The following MEOX2 variants were observed in gnomAD, a reference collection of about 807,000 sequenced individuals.
The protein encoded by MEOX2 is mesenchyme homeobox 2, also known as homeobox protein MOX-2.
MEOX2 carries 11 observed loss-of-function variants against 27.0 expected under a neutral mutation model. The observed-to-expected ratio is 0.41, with a 90% CI of 0.26 to 0.68. MEOX2 has a LOEUF of 0.68. Among genes scored for constraint, MEOX2 ranks in the 30% least tolerant of loss-of-function variants. The pLI is 0.33. For missense variants in MEOX2, 436 were observed against 385.4 expected, an observed-to-expected ratio of 1.13 and a Z score of -1.10; for synonymous variants, 189 against 155.4, an observed-to-expected ratio of 1.22 and a Z score of -1.61.
intron 2 of MEOX2, among the ~76,000 whole-genome samples, chr7:15,620,428 C>T (rs1259165712): frequency 1.3e-5 from 2 of 152,020 alleles, no homozygotes; most frequent in Non-Finnish European, 2.9e-5. Flanking sequence ...GCAAAACGGG[C>T]GTGGTAGCGG....
rs555317218 is a variant in MEOX2 at position 15,612,141 on chromosome 7, C to G, written c.*246G>C. 3.7e-6 allele frequency: 2 copies of G among 542,934 alleles called. No homozygotes were observed. The highest frequency in any genetic ancestry group is 6.6e-6 in the Non-Finnish European group (2 of 302,794). The allele number at this position is 542,934 out of a possible 1,614,324, so 33.6% of individuals were successfully genotyped here. On this transcript the variant is annotated 3_prime_UTR_variant, in exon 3 of 3. Coordinates refer to ENST00000262041, the MANE Select transcript of MEOX2 (RefSeq NM_005924.5). ...AAACACATACCTGCTCACTGCCATA[C>G]GCACGACCAAACACATCTGGAATAT... is the stretch of plus-strand genomic sequence containing the variant.
intron 1 of MEOX2, among the ~76,000 whole-genome samples, chr7:15,636,040 T>G (rs749866087): frequency 6.6e-6 from 1 of 152,012 alleles, no homozygotes; most frequent in Non-Finnish European, 1.5e-5. Context: ...TTTAGAGTCC[T>G]GTCAAACAGG....
At chr7:15,623,488 G>A (rs1318919912) in intron 2 of MEOX2, among the ~76,000 whole-genome samples, 1 of 152,098 alleles carries the variant, frequency 6.6e-6, no homozygotes, top group Non-Finnish European at 1.5e-5. Flanking sequence ...TCCTGCCTCA[G>A]CCTCCCATGT....
intron 1 of MEOX2, among the ~76,000 whole-genome samples, chr7:15,651,289 A>G (rs1781729380): frequency 1.3e-5 from 2 of 152,038 alleles, no homozygotes; most frequent in South Asian, 4.1e-4. Context: ...TCCTGCCCAT[A>G]GTAATTAATA....
intron 1 of MEOX2, among the ~76,000 whole-genome samples, chr7:15,674,555 TCTGTGTGTG>T (rs954914660): frequency 2.0e-5 from 1 of 48,892 alleles, no homozygotes; most frequent in African/African-American, 7.3e-5. Flanking sequence ...GATAAAAGAT[TCTGTGTGTG>T]TGTGTGTGTG....
At position 15,680,473 on chromosome 7, in the gene MEOX2, A is replaced by C. The variant is rs1455842615; in HGVS notation, c.517+5413T>G. The C allele has an allele frequency of 2.0e-5, 3 of 151,940 alleles. No homozygotes were observed. The East Asian group carries it at 5.8e-4, about 29-fold the overall frequency. 9.4% of individuals were successfully genotyped at this position (151,940 alleles called of 1,614,324 possible). Reference sequence around the variant, plus strand: ...AGTTTTACTACATTAAAACACATAAAATATTCTGCGAGGTTTTCTCCAATG... The same window carrying C: ...AGTTTTACTACATTAAAACACATAACATATTCTGCGAGGTTTTCTCCAATG... On this transcript the variant is annotated intron_variant, in intron 1 of 2. Transcript: ENST00000262041.
chr7:15,685,860 C>T (rs2115400980), intron 1 of MEOX2, 26 bp downstream of exon 1: 2 of 1,562,714 alleles, frequency 1.3e-6, no homozygotes, highest in East Asian at 2.2e-5. Flanking sequence ...GGCGCGCACT[C>T]TCGAGGGTGC....
At chr7:15,677,506 G>C (rs1244814849) in intron 1 of MEOX2, 1 of 152,198 alleles carries the variant, frequency 6.6e-6, no homozygotes, top group African/African-American at 2.4e-5. Flanking sequence ...TTCGGATAGT[G>C]TTTGATCAAT....
rs4721451 is a variant in MEOX2, at chr7:15,642,544, C to T, written c.518-15626G>A. Among the ~76,000 whole-genome samples, 1,011 of 152,134 alleles carry T rather than the reference C, an allele frequency of 6.6e-3. 37 individuals are homozygous for T. The highest frequency in any genetic ancestry group is 0.058 in the Admixed American group (886 of 15,276). ...TTTCTGGTTTCTTTGTGATTATTTT[C>T]AACTTCCTTTTGGATCTTATTGATC... On this transcript the variant is annotated intron_variant, in intron 1 of 2. Transcript: ENST00000262041.
chr7:15,618,304 A>G (rs1452622246), intron 2 of MEOX2, among the ~76,000 whole-genome samples: 1 of 152,094 alleles, frequency 6.6e-6, no homozygotes, highest in Non-Finnish European at 1.5e-5. Context: ...TTCATGAATA[A>G]AAGACTATAT....
At chr7:15,661,802 G>A (rs965989951) in intron 1 of MEOX2, among the ~76,000 whole-genome samples, 1 of 152,070 alleles carries the variant, frequency 6.6e-6, no homozygotes, top group Non-Finnish European at 1.5e-5. Flanking sequence ...GACATTATTA[G>A]TACCACTCTA....
chr7:15,674,464 A>G, intron 1 of MEOX2, among the ~76,000 whole-genome samples: 1 of 152,222 alleles, frequency 6.6e-6, no homozygotes, highest in Admixed American at 6.5e-5. Flanking sequence ...TCAGTCTTAA[A>G]TATAAGTCTA....
At chr7:15,640,126 A>G (rs1464896164) in intron 1 of MEOX2, among the ~76,000 whole-genome samples, 1 of 151,862 alleles carries the variant, frequency 6.6e-6, no homozygotes, top group East Asian at 1.9e-4. Context: ...ATGTTTTTCC[A>G]TTTGTTTGTA....
At chr7:15,685,825 T>C in intron 1 of MEOX2, 61 bp downstream of exon 1, 10 of 1,529,324 alleles carry the variant, frequency 6.5e-6, no homozygotes, top group Non-Finnish European at 7.9e-6. Context: ...TCTCCCCTAG[T>C]ATCTCTCCGC....
intron 1 of MEOX2, chr7:15,680,927 C>A (rs1782283132): frequency 6.6e-6 from 1 of 151,492 alleles, no homozygotes; most frequent in Admixed American, 6.6e-5. Context: ...TACAATGTAA[C>A]TGGCCAGTTG....
At chr7:15,663,583 C>G (rs1304471171) in intron 1 of MEOX2, among the ~76,000 whole-genome samples, 2 of 152,166 alleles carry the variant, frequency 1.3e-5, no homozygotes, top group African/African-American at 4.8e-5. Context: ...TCGTGATCCA[C>G]TCACCTTGGA....
intron 1 of MEOX2, among the ~76,000 whole-genome samples, chr7:15,643,859 G>C (rs1781601237): frequency 6.6e-6 from 1 of 152,116 alleles, no homozygotes; most frequent in African/African-American, 2.4e-5. Context: ...GGGGCACTGG[G>C]ACCAGACCAG....
chr7:15,682,345 G>A (rs147441617), intron 1 of MEOX2, among the ~76,000 whole-genome samples: 11 of 151,784 alleles, frequency 7.2e-5, no homozygotes, highest in African/African-American at 2.2e-4. Context: ...GGTTGATAAG[G>A]TATTACTCTG....
At chr7:15,656,437 C>CTTT (rs1188980982) in intron 1 of MEOX2, among the ~76,000 whole-genome samples, 1 of 143,760 alleles carries the variant, frequency 7.0e-6, no homozygotes, top group African/African-American at 2.5e-5. Context: ...TCATGTTTTT[C>CTTT]TTTTTTTTTT....
Sources: allele counts gnomAD v4.1 joint callset (sites outside exome capture counted in the v4.1 genomes callset), GRCh38; gene constraint gnomAD v4.1.1; transcripts MANE v1.5; gene names NCBI Gene and HGNC (gene_info 2026-07-23, HGNC 2026-07-21).